GALC: variants seen among roughly 807,000 people sequenced by gnomAD.
GALC encodes the protein galactocerebrosidase.
GALC carries 77 observed loss-of-function variants against 91.8 expected under a neutral mutation model. The observed-to-expected ratio is 0.84, with a 90% CI of 0.70 to 1.01. The LOEUF (loss-of-function observed/expected upper bound fraction) is 1.01. Among genes scored for constraint, GALC ranks in the 50% least tolerant of loss-of-function variants. The probability of loss-of-function intolerance (pLI) is 0.00; values close to 1 mark genes in which losing one functional copy is unlikely to be tolerated. For synonymous variants in GALC, 357 were observed against 306.7 expected (o/e 1.16, Z -1.71); for missense variants, 882 against 855.9 (o/e 1.03, Z -0.38).
At chr14:87,993,537 G>A (rs1265131702), upstream of GALC, 1 of 1,417,998 alleles carries the variant, frequency 7.1e-7, no homozygotes, top group Admixed American at 2.0e-5. Flanking sequence ...ACCAGGCTTG[G>A]ACACCAGGTC....
chr14:87,953,663 C>T, intron 10 of GALC: 10 of 1,609,370 alleles, frequency 6.2e-6, no homozygotes, highest in South Asian at 1.1e-5. Context: ...CAGTCTGAAG[C>T]TCTATCTAGA....
chr14:87,992,849 G>A, intron 1 of GALC, 121 bp downstream of exon 1: 1 of 1,404,400 alleles, frequency 7.1e-7, no homozygotes, highest in South Asian at 1.6e-5. Context: ...GGCACCCTAG[G>A]GGAATGCGGC....
At position 87,984,541 on chromosome 14, in the gene GALC, G is replaced by A; in HGVS notation, c.443-8C>T. On this transcript the variant is annotated splice_polypyrimidine_tract_variant and splice_region_variant and intron_variant, in intron 4 of 16. Coordinates refer to ENST00000261304, the MANE Select transcript of GALC (RefSeq NM_000153.4). ...GGAATGACCATGGCAACCCTGCAGAGAGAAGGGAGGAGGCAAAGGTAGAGG... is the reference window on the plus strand; with the variant it reads ...GGAATGACCATGGCAACCCTGCAGAAAGAAGGGAGGAGGCAAAGGTAGAGG... 6 of 1,614,114 alleles carry A rather than the reference G, an allele frequency of 3.7e-6. No individual in the cohort carries two copies. Among genetic ancestry groups the A allele is most frequent in the South Asian group, 1.1e-5 (1 of 91,086 alleles).
intron 7 of GALC, among the ~76,000 whole-genome samples, chr14:87,972,534 A>C (rs1886337889): frequency 6.6e-6 from 1 of 152,174 alleles, no homozygotes; most frequent in African/African-American, 2.4e-5. Context: ...TGATTTTTGT[A>C]CTTTTATATA....
intron 16 of GALC, among the ~76,000 whole-genome samples, chr14:87,936,156 T>C (rs1884557715): frequency 6.6e-6 from 1 of 152,182 alleles, no homozygotes; most frequent in East Asian, 1.9e-4. Flanking sequence ...CCACTTGGTC[T>C]GCTCAAATTG....
rs1202415632 is a variant in GALC, at chr14:87,993,070, A to C, written c.95T>G (p.Leu32Arg). 2 of 1,578,840 alleles carry C rather than the reference A, an allele frequency of 1.3e-6. No individual in the cohort carries two copies. Among genetic ancestry groups the C allele is most frequent in the African/African-American group, 2.7e-5 (2 of 74,364 alleles). ...GCCGGGCGCCAGCAGCGCACACAGC[A>C]GCAAGGGCACCGCGGCGCGGCCCGC... ...GSAGRAAVPL[L>R]LCALLAPGGA... Residue 32 changes from leucine to arginine, a missense_variant, in exon 1 of 17, where the codon CTG becomes CGG. Transcript: ENST00000261304.
chr14:87,986,467 C>T (rs1410119837), intron 4 of GALC, 22 bp downstream of exon 4: 3 of 1,388,586 alleles, frequency 2.2e-6, no homozygotes, highest in Middle Eastern at 1.8e-4. Context: ...ACTGAAGAAA[C>T]ATTGCAAACT....
At chr14:87,985,289 A>G (rs374647740) in intron 4 of GALC, among the ~76,000 whole-genome samples, 9 of 152,370 alleles carry the variant, frequency 5.9e-5, no homozygotes, top group Admixed American at 2.0e-4. Flanking sequence ...TCACCACTGA[A>G]AAAAATAAAA....
intron 5 of GALC, 24 bp from the exon 6 acceptor site, chr14:87,982,267 G>T: frequency 6.5e-7 from 1 of 1,530,140 alleles, no homozygotes; most frequent in Non-Finnish European, 9.1e-7. Flanking sequence ...AGTCAAAAAA[G>T]TCTGAATTGA....
Position 87,933,155 on chromosome 14 carries a change from CATT to C in GALC, c.*1574_*1576del, listed in dbSNP as rs1278619219. 4 of 152,214 alleles carry C rather than the reference CATT, an allele frequency of 2.6e-5. No individual in the cohort carries two copies. The highest frequency in any genetic ancestry group is 9.7e-5 in the African/African-American group (4 of 41,412). 9.4% of individuals were successfully genotyped at this position (152,214 alleles called of 1,614,324 possible). ...CACACAACATGGACAAATCTCAAAT[CATT>C]ATGCTGATGGAAAGAAACCATTCAT... On this transcript the variant is annotated 3_prime_UTR_variant, in exon 17 of 17. Coordinates refer to ENST00000261304, the MANE Select transcript of GALC (RefSeq NM_000153.4).
chr14:87,953,225 T>A, intron 10 of GALC: 5 of 1,505,732 alleles, frequency 3.3e-6, no homozygotes, highest in Non-Finnish European at 4.6e-6. Context: ...TTTCTCTGTA[T>A]AATTACCTCC....
At chr14:87,935,280 A>G (rs2139926866) in intron 16 of GALC, among the ~76,000 whole-genome samples, 1 of 152,246 alleles carries the variant, frequency 6.6e-6, no homozygotes, top group South Asian at 2.1e-4. Context: ...TTCAGACATG[A>G]CTGCTGGAGT....
In GALC at chr14:87,992,996, C is replaced by T. The variant is rs11623; in HGVS notation, c.169G>A (p.Gly57Ser). 2 of 1,534,990 alleles carry T rather than the reference C, an allele frequency of 1.3e-6. No individual in the cohort carries two copies. Among genetic ancestry groups the T allele is most frequent in the Non-Finnish European group, 1.7e-6 (2 of 1,149,540 alleles). ...DSDGLGREFDGIGAVSGGGAT... is the reference protein window; with the variant it reads ...DSDGLGREFDSIGAVSGGGAT... ...CCGCCGCCGCTGACCGCGCCGATGC[C>T]GTCGAACTCCCGGCCCAGCCCGTCG... The change falls in exon 1 of 17, where the codon GGC (glycine) becomes AGC (serine). Residue 57 changes from glycine to serine, a missense_variant. Transcript: ENST00000261304.
upstream of GALC, chr14:87,993,193 G>A (rs1416818139): frequency 1.9e-6 from 3 of 1,565,114 alleles, no homozygotes; most frequent in Non-Finnish European, 2.6e-6. Context: ...CCGGCGCCCA[G>A]GGAGGCGGGT....
intron 6 of GALC, chr14:87,976,863 T>G: frequency 4.3e-6 from 1 of 232,166 alleles, no homozygotes; most frequent in Non-Finnish European, 8.7e-6. Context: ...GATGATAATT[T>G]CAATACTATA....
At chr14:87,984,101 A>AAAG (rs1886862887) in intron 5 of GALC, among the ~76,000 whole-genome samples, 1 of 150,772 alleles carries the variant, frequency 6.6e-6, no homozygotes, top group South Asian at 2.1e-4. Context: ...GAAAGCAGGG[A>AAAG]AAGCTTTGAA....
chr14:87,954,733 T>C, intron 10 of GALC: 1 of 1,562,082 alleles, frequency 6.4e-7, no homozygotes, highest in Non-Finnish European at 8.8e-7. Flanking sequence ...CTCTAAATGC[T>C]CACAGTTCTC....
In GALC at chr14:87,963,463, A is replaced by C; in HGVS notation, c.1082T>G (p.Val361Gly). 1 of 1,612,886 alleles carries C rather than the reference A, an allele frequency of 6.2e-7. No individual in the cohort carries two copies. The highest frequency in any genetic ancestry group is 8.5e-7 in the Non-Finnish European group (1 of 1,179,066). ...GCTTCCTCCTTTCTCTAAATGGCCA[A>C]CTGTCTTCAGGTAATACCAGCCAGG... ...TQPGWYYLKTVGHLEKGGSYV... is the reference protein window; with the variant it reads ...TQPGWYYLKTGGHLEKGGSYV... Residue 361 changes from valine to glycine, a missense_variant, in exon 10 of 17, where the codon GTT becomes GGT. Transcript: ENST00000261304.
Position 87,949,903 on chromosome 14 carries a change from T to C in GALC, c.1280A>G (p.Tyr427Cys), listed in dbSNP as rs201591903. ...TTCGGATGTTTTTCCAAGTTTGGTA[T>C]ACCATACCTGTAGCTCTGGTATTTC... is the stretch of plus-strand genomic sequence containing the variant. The part of the protein sequence containing the change: ...FSEIPELQVW[Y>C]TKLGKTSERF... Residue 427 changes from tyrosine to cysteine, a missense_variant, in exon 12 of 17, where the codon TAT becomes TGT. Tyr to Cys is a radical substitution (Grantham distance 194, BLOSUM62 -2). Transcript: ENST00000261304. 1.6e-5 allele frequency: 25 copies of C among 1,591,050 alleles called. No homozygotes were observed. In the East Asian group the frequency reaches 3.4e-4, roughly 21 times the overall value.
Sources: allele counts gnomAD v4.1 joint callset (sites outside exome capture counted in the v4.1 genomes callset), GRCh38; gene constraint gnomAD v4.1.1; transcripts MANE v1.5; gene names NCBI Gene and HGNC (gene_info 2026-07-23, HGNC 2026-07-21).